Variants in EML4 observed in about 807,000 individuals in gnomAD.
EML4 encodes the protein echinoderm microtubule-associated protein-like 4.
Under a neutral mutation model 129.0 loss-of-function variants are expected in EML4, and 72 were observed. The observed-to-expected ratio is 0.56, with a 90% CI of 0.46 to 0.68. The LOEUF is 0.68. Ranked by LOEUF, EML4 falls within the 30% of genes least tolerant of loss-of-function variation. EML4 has a pLI of 0.00. For missense variants in EML4, 1,363 were observed against 1,190.6 expected, an observed-to-expected ratio of 1.14 and a Z score of -2.13; for synonymous variants, 532 against 405.0, an observed-to-expected ratio of 1.31 and a Z score of -3.77.
intron 14 of EML4, 60 bp from the exon 15 acceptor site, chr2:42,303,044 T>G: frequency 6.5e-7 from 1 of 1,546,580 alleles, no homozygotes; most frequent in East Asian, 2.3e-5. Context: ...AAATGCAGGC[T>G]TCGAGTAGTA....
At chr2:42,265,325 A>C (rs1411009968) in intron 6 of EML4, among the ~76,000 whole-genome samples, 2 of 152,134 alleles carry the variant, frequency 1.3e-5, no homozygotes, top group Admixed American at 6.5e-5. Context: ...GGCTGGCTGC[A>C]AACTCCTGAC....
chr2:42,228,625 T>C (rs1674128954), intron 1 of EML4, among the ~76,000 whole-genome samples: 1 of 152,194 alleles, frequency 6.6e-6, no homozygotes, highest in Non-Finnish European at 1.5e-5. Context: ...CTCATGAGTA[T>C]TTTGCTTTTA....
intron 2 of EML4, among the ~76,000 whole-genome samples, chr2:42,256,209 G>T (rs1676139945): frequency 6.6e-6 from 1 of 152,164 alleles, no homozygotes; most frequent in Non-Finnish European, 1.5e-5. Flanking sequence ...TGAATCATGT[G>T]TTATAAGGCT....
At chr2:42,219,924 TAAAAA>T (rs56773943) in intron 1 of EML4, among the ~76,000 whole-genome samples, 2 of 137,700 alleles carry the variant, frequency 1.5e-5, no homozygotes. Context: ...AGACTCCATC[TAAAAA>T]AAAAAAAAAA....
Position 42,303,388 on chromosome 2 carries a change from G to A in EML4, c.1841G>A (p.Arg614Lys). Residue 614 changes from arginine to lysine, a missense_variant, in exon 16 of 23, where the codon AGG (arginine) becomes AAG (lysine). Arg to Lys is a conservative substitution (Grantham distance 26). Coordinates refer to ENST00000318522, the MANE Select transcript of EML4 (RefSeq NM_019063.5). ...TTGCTCTTGACATGTGCTCAGGACA[G>A]GCAGGTGTGCCTGTGGAACTCAATG... ...KDLLLTCAQD[R>K]QVCLWNSMEH... 6.2e-7 allele frequency: 1 copy of A among 1,614,164 alleles called. No homozygotes were observed. The highest frequency in any genetic ancestry group is 8.5e-7 in the Non-Finnish European group (1 of 1,180,014).
intron 8 of EML4, among the ~76,000 whole-genome samples, chr2:42,283,403 A>T (rs1253343807): frequency 1.3e-5 from 2 of 152,218 alleles, no homozygotes. Context: ...CTGAATAAGG[A>T]TCATAAGTAT....
At position 42,263,291 on chromosome 2, in the gene EML4, C is replaced by T; in HGVS notation, c.626C>T (p.Thr209Ile). The T allele has an allele frequency of 1.2e-6, 2 of 1,609,900 alleles. No homozygotes were observed. The highest frequency in any genetic ancestry group is 1.7e-6 in the Non-Finnish European group (2 of 1,178,272). The change falls in exon 5 of 23, where the codon ACC becomes ATC. Residue 209 changes from threonine (T) to isoleucine (I), a missense_variant. Physicochemically the swap from Thr to Ile is moderately conservative, Grantham distance 89. Transcript: ENST00000318522. ...PSTPKLIPKV[T>I]KTADKHKDVI... is the part of the protein sequence containing the mutation. ...ACACCCAAATTAATACCAAAAGTTACCAAAACTGCAGACAAGTAAGTATTG... is the reference window on the plus strand; with the variant it reads ...ACACCCAAATTAATACCAAAAGTTATCAAAACTGCAGACAAGTAAGTATTG...
At chr2:42,315,903 C>A in intron 17 of EML4, 59 bp from the exon 18 acceptor site, 1 of 1,268,476 alleles carries the variant, frequency 7.9e-7, no homozygotes, top group Non-Finnish European at 1.1e-6. Flanking sequence ...AAAAGAACAA[C>A]TTTTTTTTTC....
chr2:42,221,018 C>T lies in EML4; in HGVS notation c.26-24487C>T, dbSNP rs191259910. ...AGTTCATGAGGTTTAAGGAAAGAAG[C>T]CATCTCCATACATAAAAGTGCAAGG... On this transcript the variant is annotated intron_variant, in intron 1 of 22. Coordinates refer to ENST00000318522, the MANE Select transcript of EML4 (RefSeq NM_019063.5). Among the ~76,000 whole-genome samples the T allele has an allele frequency of 5.3e-4, 80 of 152,242 alleles. No homozygotes were observed. The East Asian group carries it at 0.013, about 24-fold the overall frequency.
intron 14 of EML4, 120 bp from the exon 15 acceptor site, chr2:42,302,984 A>C: frequency 2.5e-6 from 2 of 816,174 alleles, no homozygotes; most frequent in Non-Finnish European, 4.0e-6. Context: ...AGATTACCAT[A>C]TCCAAATTTG....
chr2:42,224,823 G>C (rs752459733), intron 1 of EML4, among the ~76,000 whole-genome samples: 2 of 151,968 alleles, frequency 1.3e-5, no homozygotes, highest in Non-Finnish European at 2.9e-5. Flanking sequence ...TAACTTTATA[G>C]TTCAGTGTTA....
intron 13 of EML4, among the ~76,000 whole-genome samples, chr2:42,300,013 C>T (rs537725591): frequency 6.6e-6 from 1 of 152,312 alleles, no homozygotes; most frequent in South Asian, 2.1e-4. Context: ...TTTTAAGATT[C>T]ATCCATGTGG....
At position 42,330,449 on chromosome 2, in the gene EML4, G is replaced by A. The variant is rs970644763; in HGVS notation, c.*242G>A. 1.7e-6 allele frequency: 1 copy of A among 583,292 alleles called. No homozygotes were observed. The highest frequency in any genetic ancestry group is 1.9e-5 in the South Asian group (1 of 53,302). The allele number at this position is 583,292 out of a possible 1,614,324, so 36.1% of individuals were successfully genotyped here. On this transcript the variant is annotated 3_prime_UTR_variant, in exon 23 of 23. Transcript: ENST00000318522. Reference sequence around the variant, plus strand: ...AGGAGAAGACTGAATCATTAATGATGTCTCACAAATTACTGTGTACCTAAG... The same window carrying A: ...AGGAGAAGACTGAATCATTAATGATATCTCACAAATTACTGTGTACCTAAG...
At chr2:42,201,430 A>T (rs535665350) in intron 1 of EML4, among the ~76,000 whole-genome samples, 2 of 152,348 alleles carry the variant, frequency 1.3e-5, no homozygotes, top group Admixed American at 6.5e-5. Flanking sequence ...GAAGTTGAAC[A>T]TAAGTCTAAT....
rs780412425 is a variant in EML4, at chr2:42,303,209, G to C, written c.1747G>C (p.Gly583Arg). 1.2e-6 allele frequency: 2 copies of C among 1,614,108 alleles called. No homozygotes were observed. The highest frequency in any genetic ancestry group is 1.7e-6 in the Non-Finnish European group (2 of 1,180,014). ...TATTTTACGAGGAACATTTAATGAT[G>C]GCTTCCAAATAGAAGTACAGGTAAG... ...NFILRGTFND[G>R]FQIEVQGHTD... The change falls in exon 15 of 23, where the codon GGC (glycine) becomes CGC (arginine). Residue 583 changes from glycine to arginine, a missense_variant. Transcript: ENST00000318522.
intron 1 of EML4, among the ~76,000 whole-genome samples, chr2:42,217,084 A>G (rs1006276490): frequency 6.6e-6 from 1 of 152,228 alleles, no homozygotes; most frequent in African/African-American, 2.4e-5. Flanking sequence ...CTGACAGTCA[A>G]TATTCTCATA....
chr2:42,219,514 T>C (rs113598967), intron 1 of EML4, among the ~76,000 whole-genome samples: 2 of 152,234 alleles, frequency 1.3e-5, no homozygotes, highest in African/African-American at 4.8e-5. Flanking sequence ...ATTTTTCTTT[T>C]AGATTTTCAT....
At chr2:42,190,077 A>G (rs1671498768) in intron 1 of EML4, among the ~76,000 whole-genome samples, 1 of 152,182 alleles carries the variant, frequency 6.6e-6, no homozygotes, top group Admixed American at 6.5e-5. Context: ...AATGCAGGGA[A>G]GAGGCAAGAT....
chr2:42,237,416 A>G (rs948068570), intron 1 of EML4, among the ~76,000 whole-genome samples: 44 of 152,254 alleles, frequency 2.9e-4, no homozygotes, highest in African/African-American at 1.0e-3. Context: ...GGATATGAAG[A>G]CATTTGCAGT....
Sources: gnomAD v4.1 joint callset for allele counts (sites outside exome capture counted in the v4.1 genomes callset) on GRCh38, gnomAD v4.1.1 for gene constraint, MANE v1.5 for transcripts, NCBI Gene and HGNC (gene_info 2026-07-23, HGNC 2026-07-21) for gene names.